NDUFS7: variants seen among roughly 807,000 people sequenced by gnomAD.
NDUFS7 encodes the protein NADH:ubiquinone oxidoreductase core subunit S7, also known as NADH dehydrogenase [ubiquinone] iron-sulfur protein 7, mitochondrial.
A neutral mutation model predicts 31.1 loss-of-function variants in NDUFS7; 11 were observed. That is an observed-to-expected ratio of 0.35 (90% confidence interval 0.22 to 0.59). The LOEUF (loss-of-function observed/expected upper bound fraction) is 0.59, where lower values mean the gene tolerates loss of function less well. Among genes scored for constraint, NDUFS7 ranks in the 20% least tolerant of loss-of-function variants. NDUFS7 has a pLI of 0.79. For missense variants in NDUFS7, 263 were observed against 324.2 expected (o/e 0.81, Z 1.45); for synonymous variants, 136 against 127.9 (o/e 1.06, Z -0.43).
chr19:1,389,861 G>A (rs1266859066), intron 4 of NDUFS7: 1 of 280,890 alleles, frequency 3.6e-6, no homozygotes, highest in Non-Finnish European at 7.0e-6. Flanking sequence ...GTCGAGACAA[G>A]GATAGTTTTT....
intron 1 of NDUFS7, 25 bp downstream of exon 1, chr19:1,383,967 G>GTGGGGCCGCGCGGGTC (rs761766227): frequency 6.4e-7 from 1 of 1,558,706 alleles, no homozygotes; most frequent in South Asian, 1.2e-5. Flanking sequence ...GGCGGCGGGT[G>GTGGGGCCGCGCGGGTC]TGGGGCCGCG....
intron 7 of NDUFS7, 38 bp from the exon 8 acceptor site, chr19:1,395,353 C>T (rs774735189): frequency 1.3e-5 from 21 of 1,582,180 alleles, no homozygotes; most frequent in African/African-American, 2.7e-5. Context: ...ACGCGGGCTC[C>T]GGCTGCGGGA....
intron 4 of NDUFS7, chr19:1,389,267 G>A (rs746751115): frequency 3.2e-6 from 2 of 617,218 alleles, no homozygotes; most frequent in South Asian, 1.5e-5. Flanking sequence ...ATATACACAT[G>A]CACACGCACA....
chr19:1,386,818 C>G (rs1331651926), intron 1 of NDUFS7: 2 of 152,196 alleles, frequency 1.3e-5, no homozygotes, highest in Non-Finnish European at 2.9e-5. Context: ...CTTTAAAGAC[C>G]CCATCTCCAA....
intron 6 of NDUFS7, chr19:1,392,551 G>C (rs568161522): frequency 2.6e-5 from 4 of 153,142 alleles, no homozygotes; most frequent in African/African-American, 7.3e-5. Context: ...AGGATCACAC[G>C]CCGCATGGCC....
chr19:1,388,855 G>A lies in NDUFS7; in HGVS notation c.145G>A (p.Ala49Thr), dbSNP rs142519186. 14 of 1,604,506 alleles carry A rather than the reference G, an allele frequency of 8.7e-6. No homozygotes were observed. In the African/African-American group the frequency reaches 1.9e-4, roughly 21 times the overall value. The change falls in exon 4 of 8, where the codon GCC becomes ACC. Residue 49 changes from alanine (A) to threonine (T), a missense_variant. Transcript: ENST00000233627. Reference protein sequence around the residue: ...PSSTQPALPKARAVAPKPSSR... With the variant: ...PSSTQPALPKTRAVAPKPSSR... Reference sequence around the variant, plus strand: ...CAGCACCCAGCCTGCCCTGCCAAAGGCCAGAGCCGTGGCTCCCAAACCCAG... The same window carrying A: ...CAGCACCCAGCCTGCCCTGCCAAAGACCAGAGCCGTGGCTCCCAAACCCAG...
chr19:1,388,492 A>G (rs754727200), intron 2 of NDUFS7, 33 bp from the exon 3 acceptor site: 15 of 1,601,430 alleles, frequency 9.4e-6, no homozygotes, highest in Non-Finnish European at 1.2e-5. Context: ...GGGGCCTGGG[A>G]CAGCCACTGA....
intron 1 of NDUFS7, 27 bp from the exon 2 acceptor site, chr19:1,387,784 G>C (rs776647973): frequency 6.2e-7 from 1 of 1,610,062 alleles, no homozygotes; most frequent in African/African-American, 1.3e-5. Flanking sequence ...GCAGCTCACT[G>C]TTCCCACCCC....
chr19:1,389,250 TGC>T (rs2082535493), intron 4 of NDUFS7: 3 of 647,922 alleles, frequency 4.6e-6, no homozygotes, highest in African/African-American at 3.6e-5. Context: ...TGCACACTCA[TGC>T]GCACATATAC....
chr19:1,389,334 C>G, intron 4 of NDUFS7: 2 of 495,504 alleles, frequency 4.0e-6, no homozygotes, highest in South Asian at 3.1e-5. Context: ...CACTCACACA[C>G]ATGCACACAC....
intron 1 of NDUFS7, among the ~76,000 whole-genome samples, chr19:1,387,325 C>T (rs2082513779): frequency 6.6e-6 from 1 of 152,238 alleles, no homozygotes; most frequent in Admixed American, 6.5e-5. Flanking sequence ...CCCACAAGCA[C>T]GCATAGATGG....
At position 1,389,222 on chromosome 19, in the gene NDUFS7, C is replaced by T. The variant is rs1403975809; in HGVS notation, c.228+284C>T. On this transcript the variant is annotated intron_variant, in intron 4 of 7. Coordinates refer to ENST00000233627, the MANE Select transcript of NDUFS7 (RefSeq NM_024407.5). The stretch of plus-strand genomic sequence containing the variant: ...GCACACACGCTTGCACACATACACA[C>T]ATGCACACTTGCACTCATGCACACT... 5 of 676,318 alleles carry T rather than the reference C, an allele frequency of 7.4e-6. No homozygotes were observed. The East Asian group carries it at 8.5e-5, about 11-fold the overall frequency. The allele number at this position is 676,318 out of a possible 1,614,324, so 41.9% of individuals were successfully genotyped here.
At position 1,385,512 on chromosome 19, in the gene NDUFS7, TCAAAAA is replaced by T. The variant is rs569820961; in HGVS notation, c.16+1587_16+1592del. On this transcript the variant is annotated intron_variant, in intron 1 of 7. Coordinates refer to ENST00000233627, the MANE Select transcript of NDUFS7 (RefSeq NM_024407.5). ...TGGGCAACAAGAGTGAAACTCCGTC[TCAAAAA>T]CAAAAACAAAAACAAACCAGCTGGG... Among the ~76,000 whole-genome samples the T allele has an allele frequency of 3.4e-3, 489 of 142,776 alleles. 4 individuals are homozygous for T. Among genetic ancestry groups the T allele is most frequent in the Non-Finnish European group, 4.8e-3 (317 of 66,390 alleles). The allele number at this position is 142,776 out of a possible 152,430, so 93.7% of individuals were successfully genotyped here. A position where few individuals can be genotyped will look rare whatever the true frequency, so the allele number is the denominator to read the frequency against.
In NDUFS7 at chr19:1,393,120, G is replaced by A. The variant is rs2082568468; in HGVS notation, c.456-122G>A. 2 of 767,002 alleles carry A rather than the reference G, an allele frequency of 2.6e-6. No homozygotes were observed. Among genetic ancestry groups the A allele is most frequent in the Admixed American group, 2.0e-5 (1 of 49,072 alleles). The allele number at this position is 767,002 out of a possible 1,614,324, so 47.5% of individuals were successfully genotyped here. On this transcript the variant is annotated intron_variant, in intron 6 of 7. Coordinates refer to ENST00000233627, the MANE Select transcript of NDUFS7 (RefSeq NM_024407.5). The surrounding 1 kb of genome is among the most constrained non-coding windows in gnomAD (Gnocchi z 7.3). Reference sequence around the variant, plus strand: ...TTTGCTCATTGCTTCTCCGTGACAAGTTCCAGCCTCGTAGGTGCCTGGCCT... The same window carrying A: ...TTTGCTCATTGCTTCTCCGTGACAAATTCCAGCCTCGTAGGTGCCTGGCCT...
At chr19:1,394,786 G>A in intron 7 of NDUFS7, 1 of 1,179,604 alleles carries the variant, frequency 8.5e-7, no homozygotes, top group South Asian at 1.6e-5. Context: ...GCCCTGCAGT[G>A]GCCTTGTCCT....
At chr19:1,388,807 C>A in intron 3 of NDUFS7, 26 bp from the exon 4 acceptor site, 1 of 1,570,060 alleles carries the variant, frequency 6.4e-7, no homozygotes, top group Non-Finnish European at 8.6e-7. Flanking sequence ...GCTGACGCCT[C>A]CTGTGCCCGT....
chr19:1,388,345 T>C lies in NDUFS7; in HGVS notation c.54-180T>C, dbSNP rs117393017. On this transcript the variant is annotated intron_variant, in intron 2 of 7. Coordinates refer to ENST00000233627, the MANE Select transcript of NDUFS7 (RefSeq NM_024407.5). The stretch of plus-strand genomic sequence containing the variant: ...AGTTCCATTCAAGTCTGGGCCATCA[T>C]TGGGGGTCGGGGCGATGGCCGCATG... The C allele has an allele frequency of 4.6e-3, 3,001 of 648,570 alleles. 85 individuals are homozygous for C. In the East Asian group the frequency reaches 0.061, roughly 13 times the overall value. The allele number at this position is 648,570 out of a possible 1,614,324, so 40.2% of individuals were successfully genotyped here. A position where few individuals can be genotyped will look rare whatever the true frequency, so the allele number is the denominator to read the frequency against.
chr19:1,385,673 G>T (rs535412267), intron 1 of NDUFS7, among the ~76,000 whole-genome samples: 28 of 152,236 alleles, frequency 1.8e-4, no homozygotes, highest in African/African-American at 6.7e-4. Context: ...TGCAAAATTA[G>T]CTGAGCGTGG....
rs775589945 is a variant in NDUFS7 at position 1,393,260 on chromosome 19, C to T, written c.474C>T (p.Gly158=). ...VSMGSCANGG[G]YYHYSYSVVR... ...CCAACAGCTGCGCCAACGGAGGAGGCTACTACCACTATTCCTACTCGGTGG... is the reference window on the plus strand; with the variant it reads ...CCAACAGCTGCGCCAACGGAGGAGGTTACTACCACTATTCCTACTCGGTGG... The change falls in exon 7 of 8, where the codon GGC becomes GGT. Residue 158 remains glycine (G), a synonymous_variant. Coordinates refer to ENST00000233627, the MANE Select transcript of NDUFS7 (RefSeq NM_024407.5). This position sits in a 1 kb window ranked among gnomAD's most constrained non-coding sequence, Gnocchi z 7.3. The T allele has an allele frequency of 1.3e-6, 2 of 1,578,590 alleles. No homozygotes were observed. The highest frequency in any genetic ancestry group is 1.3e-5 in the African/African-American group (1 of 74,252).
Sources: allele counts gnomAD v4.1 joint callset (sites outside exome capture counted in the v4.1 genomes callset), GRCh38; gene constraint gnomAD v4.1.1; non-coding constraint Gnocchi (gnomAD v3.1); transcripts MANE v1.5; gene names NCBI Gene and HGNC (gene_info 2026-07-23, HGNC 2026-07-21).